Variants in ABLIM2 observed in about 807,000 individuals in gnomAD.
ABLIM2 encodes actin-binding LIM protein 2.
A neutral mutation model predicts 97.7 loss-of-function variants in ABLIM2; 53 were observed. The ratio of observed to expected loss-of-function variants is 0.54; its 90% CI spans 0.44 to 0.68. The LOEUF (loss-of-function observed/expected upper bound fraction) is 0.68, where lower values mean the gene tolerates loss of function less well. Ranked by LOEUF, ABLIM2 falls within the 30% of genes least tolerant of loss-of-function variation. The pLI is 0.00. For synonymous variants in ABLIM2, 361 were observed against 345.8 expected (o/e 1.04, Z -0.49); for missense variants, 835 against 867.2 (o/e 0.96, Z 0.47).
rs185074356 is a variant in ABLIM2, at chr4:8,026,050, C to T, written c.1267+1709G>A. Among the ~76,000 whole-genome samples, 12 of 152,306 alleles carry T rather than the reference C, an allele frequency of 7.9e-5. No homozygotes were observed. In the East Asian group the frequency reaches 2.1e-3, roughly 27 times the overall value. ...TGAGACAGGGTCTTACTCTGTTGTC[C>T]AGGCTGGAGTGCAGTGGCACAATCG... On this transcript the variant is annotated intron_variant, in intron 12 of 20. Coordinates refer to ENST00000447017, the MANE Select transcript of ABLIM2 (RefSeq NM_001130083.2).
intron 1 of ABLIM2, among the ~76,000 whole-genome samples, chr4:8,142,820 C>T (rs1851197136): frequency 6.6e-6 from 1 of 152,248 alleles, no homozygotes; most frequent in Admixed American, 6.5e-5. Context: ...TCCCCAAGGA[C>T]AACACCATCC....
At chr4:8,093,096 G>A (rs35397626) in intron 3 of ABLIM2, among the ~76,000 whole-genome samples, 15,118 of 152,078 alleles carry the variant, frequency 0.099, 1,495 homozygotes, top group African/African-American at 0.26. Flanking sequence ...TGATCTACCC[G>A]GCTCAGCCTC....
intron 20 of ABLIM2, among the ~76,000 whole-genome samples, chr4:7,973,075 C>CTCTGTGTGTG (rs746286244): frequency 1.6e-5 from 2 of 123,978 alleles, no homozygotes; most frequent in South Asian, 2.7e-4. Context: ...GCTCCCCTTG[C>CTCTGTGTGTG]TGTGTGTGTG....
rs1046166322 is a variant in ABLIM2, at chr4:8,043,615, C to A, written c.900+1549G>T. Among the ~76,000 whole-genome samples, 2 of 152,134 alleles carry A rather than the reference C, an allele frequency of 1.3e-5. No homozygotes were observed. The highest frequency in any genetic ancestry group is 2.9e-5 in the Non-Finnish European group (2 of 68,030). Reference sequence around the variant, plus strand: ...TGCACACAGATGACCCGTGATGATGCAAGGAGAGGACGGCCGCCTGCGGGC... The same window carrying A: ...TGCACACAGATGACCCGTGATGATGAAAGGAGAGGACGGCCGCCTGCGGGC... On this transcript the variant is annotated intron_variant, in intron 9 of 20. Transcript: ENST00000447017. This position sits in a 1 kb window ranked among gnomAD's most constrained non-coding sequence, Gnocchi z 4.8.
Position 8,054,556 on chromosome 4 carries a change from C to A in ABLIM2, c.764-310G>T, listed in dbSNP as rs1349915166. ...ATAGGGTCTTGAGGAACCTGGGGGG[C>A]AGCTGGAAGATTCTTCTCTGAGGAG... On this transcript the variant is annotated intron_variant, in intron 7 of 20. Transcript: ENST00000447017. This position sits in a 1 kb window ranked among gnomAD's most constrained non-coding sequence, Gnocchi z 4.9. Among the ~76,000 whole-genome samples the A allele has an allele frequency of 6.6e-6, 1 of 152,222 alleles. No homozygotes were observed. The highest frequency in any genetic ancestry group is 1.5e-5 in the Non-Finnish European group (1 of 68,044).
intron 6 of ABLIM2, among the ~76,000 whole-genome samples, 187 bp downstream of exon 6, chr4:8,077,441 G>C (rs182621255): frequency 6.6e-6 from 1 of 152,248 alleles, no homozygotes; most frequent in Admixed American, 6.5e-5. Context: ...CTTCCTGGAG[G>C]AGGTGGCACT....
intron 1 of ABLIM2, among the ~76,000 whole-genome samples, chr4:8,146,962 A>G (rs1351372104): frequency 1.3e-5 from 2 of 152,240 alleles, no homozygotes; most frequent in Non-Finnish European, 2.9e-5. Flanking sequence ...AAATGCTGCC[A>G]TAGATGGACA....
intron 9 of ABLIM2, among the ~76,000 whole-genome samples, chr4:8,041,914 A>G (rs1788890248): frequency 6.6e-6 from 1 of 151,632 alleles, no homozygotes; most frequent in Non-Finnish European, 1.5e-5. Flanking sequence ...AAAAAAAGAA[A>G]AAAAAAAGAG....
chr4:7,967,099 T>C lies in ABLIM2; in HGVS notation c.1829A>G (p.His610Arg). 1 of 1,613,372 alleles carries C rather than the reference T, an allele frequency of 6.2e-7. No homozygotes were observed. The highest frequency in any genetic ancestry group is 1.1e-5 in the South Asian group (1 of 91,068). ...TTCCTGGAACTCCTCGGGCGACAAGTGTCTCTTCAAACAAAAAGGCAAAAC... is the reference window on the plus strand; with the variant it reads ...TTCCTGGAACTCCTCGGGCGACAAGCGTCTCTTCAAACAAAAAGGCAAAAC... Reference protein sequence around the residue: ...KDVDRTRLERHLSPEEFQEVF... With the variant: ...KDVDRTRLERRLSPEEFQEVF... The change falls in exon 21 of 21, where the codon CAC (histidine) becomes CGC (arginine). Residue 610 changes from histidine to arginine, a missense_variant. Coordinates refer to ENST00000447017, the MANE Select transcript of ABLIM2 (RefSeq NM_001130083.2).
chr4:8,108,464 C>T (rs930660680), intron 1 of ABLIM2, among the ~76,000 whole-genome samples: 30 of 152,270 alleles, frequency 2.0e-4, no homozygotes, highest in African/African-American at 6.0e-4. Flanking sequence ...GGCCACGGTA[C>T]CCAGCCGGGA....
chr4:8,036,203 G>GA lies in ABLIM2; in HGVS notation c.992dup (p.Ser332LeufsTer23). On this transcript the variant is annotated frameshift_variant, in exon 10 of 21. Coordinates refer to ENST00000447017, the MANE Select transcript of ABLIM2 (RefSeq NM_001130083.2). LOFTEE classifies it high-confidence loss of function. ...AGTGGCTGATGTAGGGTGAGTAGGA[G>GA]ATCATGTCGGGGCGGTCGATGTCAT... 1 of 1,613,938 alleles carries GA rather than the reference G, an allele frequency of 6.2e-7. No homozygotes were observed. The highest frequency in any genetic ancestry group is 8.5e-7 in the Non-Finnish European group (1 of 1,179,836).
intron 20 of ABLIM2, among the ~76,000 whole-genome samples, chr4:7,978,581 G>C (rs1735515932): frequency 2.0e-5 from 3 of 152,186 alleles, no homozygotes; most frequent in African/African-American, 7.2e-5. Context: ...CTCACCTTTT[G>C]TGGTGAGAGC....
chr4:8,106,293 A>C (rs1170821061), intron 2 of ABLIM2, among the ~76,000 whole-genome samples: 1 of 152,102 alleles, frequency 6.6e-6, no homozygotes, highest in African/African-American at 2.4e-5. Context: ...GACCCTCCCC[A>C]ATCTGGTGAT....
rs989497302 is a variant in ABLIM2, at chr4:8,069,678, CTG to C, written c.675+7948_675+7949del. 5.3e-5 allele frequency among the ~76,000 whole-genome samples: 8 copies of C among 151,752 alleles called. No homozygotes were observed. The highest frequency in any genetic ancestry group is 1.9e-4 in the African/African-American group (8 of 41,298). On this transcript the variant is annotated intron_variant, in intron 6 of 20. Coordinates refer to ENST00000447017, the MANE Select transcript of ABLIM2 (RefSeq NM_001130083.2). This position sits in a 1 kb window ranked among gnomAD's most constrained non-coding sequence, Gnocchi z 4.2. ...TGTCTGTGTGCATTTCTGTGTGTCTCTGTGTGTGTTTGTGTGTTGTCTGTGTG... is the reference window on the plus strand; with the variant it reads ...TGTCTGTGTGCATTTCTGTGTGTCTCTGTGTGTTTGTGTGTTGTCTGTGTG...
At chr4:8,029,080 AG>A (rs11328024) in intron 11 of ABLIM2, among the ~76,000 whole-genome samples, 15,273 of 152,142 alleles carry the variant, frequency 0.1, 956 homozygotes, top group East Asian at 0.31. Context: ...GGCGCCAGGC[AG>A]GGGACAAGGT....
Position 8,087,655 on chromosome 4 carries a change from C to G in ABLIM2, c.454+514G>C, listed in dbSNP as rs1000246140. ...GCTTCCTGGAGGAGGTATGCTAGAGCTGGGCAAAAGCAGCAGTGGACATTA... is the reference window on the plus strand; with the variant it reads ...GCTTCCTGGAGGAGGTATGCTAGAGGTGGGCAAAAGCAGCAGTGGACATTA... On this transcript the variant is annotated intron_variant, in intron 4 of 20. Transcript: ENST00000447017. This position sits in a 1 kb window ranked among gnomAD's most constrained non-coding sequence, Gnocchi z 4.6. Among the ~76,000 whole-genome samples, 2 of 151,960 alleles carry G rather than the reference C, an allele frequency of 1.3e-5. No individual in the cohort carries two copies. Among genetic ancestry groups the G allele is most frequent in the Non-Finnish European group, 2.9e-5 (2 of 68,004 alleles).
intron 8 of ABLIM2, among the ~76,000 whole-genome samples, chr4:8,051,002 T>G (rs1795648276): frequency 6.6e-6 from 1 of 152,188 alleles, no homozygotes; most frequent in African/African-American, 2.4e-5. Flanking sequence ...CATCCGGTGG[T>G]TAAGTGACCC....
chr4:8,079,202 A>G (rs181747830), intron 5 of ABLIM2, among the ~76,000 whole-genome samples: 68 of 152,318 alleles, frequency 4.5e-4, no homozygotes, highest in South Asian at 1.4e-3. Context: ...CCTCAGGCTT[A>G]CTTCCAAATG....
intron 14 of ABLIM2, chr4:8,010,506 T>A (rs1382572248): frequency 2.0e-6 from 2 of 985,788 alleles, no homozygotes; most frequent in Admixed American, 1.2e-4. Flanking sequence ...ACAAGACTGA[T>A]ACCAGGCCAG....
Sources: allele counts gnomAD v4.1 joint callset (sites outside exome capture counted in the v4.1 genomes callset), GRCh38; gene constraint gnomAD v4.1.1; non-coding constraint Gnocchi (gnomAD v3.1); transcripts MANE v1.5; gene names NCBI Gene and HGNC (gene_info 2026-07-23, HGNC 2026-07-21).